The following UNC13C variants were observed in gnomAD, a reference collection of about 807,000 sequenced individuals.
The protein encoded by UNC13C is protein unc-13 homolog C.
Under a neutral mutation model 245.4 loss-of-function variants are expected in UNC13C, and 174 were observed. The ratio of observed to expected loss-of-function variants is 0.71; its 90% CI spans 0.63 to 0.80. The LOEUF is 0.80. Among genes scored for constraint, UNC13C ranks in the 30% least tolerant of loss-of-function variants. UNC13C has a pLI of 0.00. For synonymous variants in UNC13C, 992 were observed against 895.1 expected (o/e 1.11, Z -1.93); for missense variants, 2,829 against 2,602.9 (o/e 1.09, Z -1.89).
chr15:54,416,907 G>C (rs1219500129), intron 19 of UNC13C: 1 of 456,484 alleles, frequency 2.2e-6, no homozygotes. Flanking sequence ...TCCTGCATGA[G>C]GGATTTTTTG....
At chr15:53,934,754 G>C in the UNC13C span, among the ~76,000 whole-genome samples, 1 of 152,190 alleles carries the variant, frequency 6.6e-6, no homozygotes. Context: ...GTCAGTGTCT[G>C]ATGAGGGTTC....
intron 1 of UNC13C, among the ~76,000 whole-genome samples, chr15:53,991,069 G>T (rs1023602297): frequency 4.6e-5 from 7 of 151,894 alleles, no homozygotes; most frequent in Non-Finnish European, 1.0e-4. Context: ...ATCTACTGGG[G>T]GCACAGTACC....
chr15:54,033,714 C>T (rs116756843), intron 2 of UNC13C, among the ~76,000 whole-genome samples: 1 of 152,038 alleles, frequency 6.6e-6, no homozygotes, highest in Non-Finnish European at 1.5e-5. Context: ...ATATTATGTA[C>T]CTGGGTAATT....
chr15:54,255,365 T>C (rs1187811998), intron 8 of UNC13C, among the ~76,000 whole-genome samples: 1 of 152,176 alleles, frequency 6.6e-6, no homozygotes, highest in Non-Finnish European at 1.5e-5. Context: ...TGGTTTTCCC[T>C]GGAGTCAGGC....
At chr15:54,356,154 C>A (rs1396993496) in intron 17 of UNC13C, among the ~76,000 whole-genome samples, 1 of 152,056 alleles carries the variant, frequency 6.6e-6, no homozygotes, top group Non-Finnish European at 1.5e-5. Context: ...CAAGTTGTTT[C>A]TAAGGTTATG....
intron 30 of UNC13C, among the ~76,000 whole-genome samples, chr15:54,601,027 G>C (rs927169617): frequency 6.6e-6 from 1 of 152,120 alleles, no homozygotes; most frequent in African/African-American, 2.4e-5. Flanking sequence ...TTTTAAGAAA[G>C]TTTACAAATT....
At chr15:53,865,189 C>T in the UNC13C span, among the ~76,000 whole-genome samples, 1 of 152,184 alleles carries the variant, frequency 6.6e-6, no homozygotes, top group Non-Finnish European at 1.5e-5. Context: ...ATCAACAGTG[C>T]AGGTGTGACT....
intron 2 of UNC13C, chr15:54,050,449 G>C (rs1897229358): frequency 1.8e-6 from 1 of 553,572 alleles, no homozygotes. Context: ...GGCTTGCTGA[G>C]CTAAAGTTGA....
chr15:53,932,391 A>G, the UNC13C span, among the ~76,000 whole-genome samples: 2 of 152,196 alleles, frequency 1.3e-5, no homozygotes, highest in African/African-American at 4.8e-5. Flanking sequence ...ATGTTTAAGT[A>G]CAGAATAATA....
At chr15:54,487,483 A>G in intron 19 of UNC13C, among the ~76,000 whole-genome samples, 1 of 152,092 alleles carries the variant, frequency 6.6e-6, no homozygotes, top group East Asian at 1.9e-4. Flanking sequence ...TATTACCATA[A>G]TGGCCAGGCA....
intron 24 of UNC13C, among the ~76,000 whole-genome samples, chr15:54,518,911 A>G (rs1267534929): frequency 6.6e-6 from 1 of 152,168 alleles, no homozygotes; most frequent in Non-Finnish European, 1.5e-5. Flanking sequence ...GTCCATTTTC[A>G]CAATTAGCCA....
At chr15:54,215,834 A>G (rs1181818766) in intron 4 of UNC13C, among the ~76,000 whole-genome samples, 5 of 152,018 alleles carry the variant, frequency 3.3e-5, no homozygotes, top group Admixed American at 2.0e-4. Context: ...CCAATCCATC[A>G]TGAAAAGCAC....
chr15:53,965,596 AG>A, the UNC13C span, among the ~76,000 whole-genome samples: 1 of 149,340 alleles, frequency 6.7e-6, no homozygotes, highest in Non-Finnish European at 1.5e-5. Flanking sequence ...TTTAAGTTTT[AG>A]GGTACATGTG....
In UNC13C at chr15:54,393,150, G is replaced by A; in HGVS notation, c.4816G>A (p.Asp1606Asn). The A allele has an allele frequency of 6.2e-7, 1 of 1,605,404 alleles. No homozygotes were observed. Among genetic ancestry groups the A allele is most frequent in the Non-Finnish European group, 8.5e-7 (1 of 1,176,818 alleles). ...ACTGATGGTTACTATTATTGATGAGGATAAAACTGCCTACACACCTGTCCT... is the reference window on the plus strand; with the variant it reads ...ACTGATGGTTACTATTATTGATGAGAATAAAACTGCCTACACACCTGTCCT... Reference protein sequence around the residue: ...ITLMVTIIDEDKTAYTPVLNQ... With the variant: ...ITLMVTIIDENKTAYTPVLNQ... Residue 1606 changes from aspartate to asparagine, a missense_variant, in exon 18 of 33, where the codon GAT becomes AAT. By Grantham distance (23) the Asp-to-Asn change is conservative. Transcript: ENST00000260323.
intron 1 of UNC13C, among the ~76,000 whole-genome samples, chr15:53,995,996 G>C (rs1273400164): frequency 6.6e-6 from 1 of 152,080 alleles, no homozygotes; most frequent in Non-Finnish European, 1.5e-5. Context: ...TCATTTGTTT[G>C]TTTTTTGTTT....
chr15:54,550,826 C>G lies in UNC13C; in HGVS notation c.5877+1135C>G, dbSNP rs551028009. 1.0e-3 allele frequency among the ~76,000 whole-genome samples: 152 copies of G among 152,240 alleles called. 2 individuals are homozygous for G. Among genetic ancestry groups the G allele is most frequent in the Middle Eastern group, 3.4e-3 (1 of 294 alleles). ...TATTACCTCCCTGGGATTTCTGGAG[C>G]CTACTTTGAAAAGTGGATTTATACA... On this transcript the variant is annotated intron_variant, in intron 28 of 32. Transcript: ENST00000260323.
At chr15:54,168,175 A>T (rs910673815) in intron 4 of UNC13C, among the ~76,000 whole-genome samples, 18 of 152,210 alleles carry the variant, frequency 1.2e-4, no homozygotes, top group Admixed American at 1.2e-3. Flanking sequence ...ACAATAAAAC[A>T]TTAGAAAATT....
intron 4 of UNC13C, among the ~76,000 whole-genome samples, chr15:54,153,794 A>G (rs1273850454): frequency 1.3e-5 from 2 of 152,050 alleles, no homozygotes; most frequent in Non-Finnish European, 2.9e-5. Context: ...TATGGCCTAG[A>G]TAAACTAGTA....
At chr15:53,842,811 CA>C in the UNC13C span, among the ~76,000 whole-genome samples, 1 of 151,390 alleles carries the variant, frequency 6.6e-6, no homozygotes, top group Non-Finnish European at 1.5e-5. Context: ...TTGCTTAAGC[CA>C]ATTTGAATTT....
Sources: gnomAD v4.1 joint callset for allele counts (sites outside exome capture counted in the v4.1 genomes callset) on GRCh38, gnomAD v4.1.1 for gene constraint, MANE v1.5 for transcripts, NCBI Gene and HGNC (gene_info 2026-07-23, HGNC 2026-07-21) for gene names.